RAPGEF2: variants seen among roughly 807,000 people sequenced by gnomAD.
RAPGEF2 encodes PDZ domain containing guanine nucleotide exchange factor (GEF) 1.
A neutral mutation model predicts 186.7 loss-of-function variants in RAPGEF2; 54 were observed. The observed-to-expected ratio is 0.29, with a 90% confidence interval of 0.23 to 0.36. The LOEUF (loss-of-function observed/expected upper bound fraction) is 0.36. Among genes scored for constraint, RAPGEF2 ranks in the 10% least tolerant of loss-of-function variants. The pLI is 1.00. For synonymous variants in RAPGEF2, 712 were observed against 705.9 expected, an observed-to-expected ratio of 1.01 and a Z score of -0.14; for missense variants, 1,532 against 2,045.0, an observed-to-expected ratio of 0.75 and a Z score of 4.84.
chr4:159,145,360 G>A (rs1742835900), intron 1 of RAPGEF2, among the ~76,000 whole-genome samples: 2 of 152,108 alleles, frequency 1.3e-5, no homozygotes, highest in Non-Finnish European at 2.9e-5. Context: ...AAGGTAAAAT[G>A]AAATGGATAA....
chr4:159,275,848 C>G lies in RAPGEF2; in HGVS notation c.544-28494C>G, dbSNP rs980111578. Among the ~76,000 whole-genome samples, 4 of 151,992 alleles carry G rather than the reference C, an allele frequency of 2.6e-5. No individual in the cohort carries two copies. The South Asian group carries it at 6.2e-4, about 24-fold the overall frequency. Reference sequence around the variant, plus strand: ...GAGTTGTAATTTTTTCATTCCCTCTCTTTTCTTAGGGAAAAAAAAACGGGT... The same window carrying G: ...GAGTTGTAATTTTTTCATTCCCTCTGTTTTCTTAGGGAAAAAAAAACGGGT... On this transcript the variant is annotated intron_variant, in intron 7 of 29. Transcript: ENST00000691494.
intron 7 of RAPGEF2, among the ~76,000 whole-genome samples, chr4:159,272,766 C>G (rs1283266282): frequency 6.6e-6 from 1 of 152,138 alleles, no homozygotes; most frequent in African/African-American, 2.4e-5. Flanking sequence ...GAAATCATCA[C>G]TGTTAGAGTA....
chr4:159,339,691 C>T (rs1012701670), intron 19 of RAPGEF2, among the ~76,000 whole-genome samples: 4 of 152,120 alleles, frequency 2.6e-5, no homozygotes, highest in Non-Finnish European at 4.4e-5. Flanking sequence ...TGTAAAGTCA[C>T]GGGGTTAAAC....
intron 1 of RAPGEF2, among the ~76,000 whole-genome samples, chr4:159,121,770 C>T (rs1739709513): frequency 6.6e-6 from 1 of 151,748 alleles, no homozygotes; most frequent in African/African-American, 2.4e-5. Context: ...GTGGCTCATG[C>T]CTGTAATCGC....
At chr4:159,116,662 A>G (rs1739087008) in intron 1 of RAPGEF2, among the ~76,000 whole-genome samples, 1 of 152,262 alleles carries the variant, frequency 6.6e-6, no homozygotes, top group African/African-American at 2.4e-5. Context: ...ATCAATCCAA[A>G]TGTCAATCGC....
chr4:159,271,628 T>G (rs1758146537), intron 7 of RAPGEF2, among the ~76,000 whole-genome samples: 1 of 152,184 alleles, frequency 6.6e-6, no homozygotes, highest in Admixed American at 6.5e-5. Context: ...TTTATAGCCA[T>G]TGCCTTAACC....
At chr4:159,150,877 C>G (rs1244580411) in intron 1 of RAPGEF2, among the ~76,000 whole-genome samples, 1 of 152,138 alleles carries the variant, frequency 6.6e-6, no homozygotes, top group African/African-American at 2.4e-5. Flanking sequence ...CTCGTGTTCC[C>G]CTGACTGCCC....
rs1561074126 is a variant in RAPGEF2, at chr4:159,198,243, T to TTC, written c.197+4987_197+4988insTC. On this transcript the variant is annotated intron_variant, in intron 3 of 29. Coordinates refer to ENST00000691494, the MANE Select transcript of RAPGEF2 (RefSeq NM_001394067.2). ...TTTCTTTTATTTTCTTTTCTTTCTT[T>TTC]CTTCCTTTCTTTCTTTCTCTTTCTT... 1.4e-3 allele frequency among the ~76,000 whole-genome samples: 175 copies of TTC among 128,978 alleles called. 4 individuals carry two copies. The highest frequency in any genetic ancestry group is 3.7e-3 in the Middle Eastern group (1 of 272). The allele number at this position is 128,978 out of a possible 152,430, so 84.6% of individuals were successfully genotyped here.
Position 159,128,556 on chromosome 4 carries a change from TC to T in RAPGEF2, c.69+24326del, listed in dbSNP as rs545292769. On this transcript the variant is annotated intron_variant, in intron 1 of 29. Transcript: ENST00000691494. ...TCTTAACATTTGGCTAGTAGTTTATTCACCCCTCTTTTTGGTGAATACAAAG... is the reference window on the plus strand; with the variant it reads ...TCTTAACATTTGGCTAGTAGTTTATTACCCCTCTTTTTGGTGAATACAAAG... Among the ~76,000 whole-genome samples the T allele has an allele frequency of 8.5e-3, 1,287 of 152,126 alleles. 21 individuals carry two copies. Among genetic ancestry groups the T allele is most frequent in the African/African-American group, 0.029 (1,223 of 41,536 alleles).
At chr4:159,242,696 G>A (rs766714459) in intron 6 of RAPGEF2, among the ~76,000 whole-genome samples, 3 of 136,924 alleles carry the variant, frequency 2.2e-5, no homozygotes, top group Non-Finnish European at 4.7e-5. Context: ...ACCATGAAAG[G>A]TTTTTTTGTT....
chr4:159,172,623 T>C (rs923913908), intron 1 of RAPGEF2, among the ~76,000 whole-genome samples: 1 of 152,278 alleles, frequency 6.6e-6, no homozygotes, highest in Admixed American at 6.5e-5. Flanking sequence ...AATGTACACA[T>C]GTACAATTTT....
intron 7 of RAPGEF2, among the ~76,000 whole-genome samples, chr4:159,283,292 A>T (rs1561207582): frequency 6.6e-6 from 1 of 152,162 alleles, no homozygotes; most frequent in East Asian, 1.9e-4. Flanking sequence ...AAAGATTTTT[A>T]AAAAATAATT....
chr4:159,323,584 A>G lies in RAPGEF2; in HGVS notation c.1116A>G (p.Lys372=), dbSNP rs773315668. 5 of 1,608,140 alleles carry G rather than the reference A, an allele frequency of 3.1e-6. No homozygotes were observed. In the African/African-American group the frequency reaches 6.7e-5, roughly 22 times the overall value. The stretch of plus-strand genomic sequence containing the variant: ...CTACCATGGACAAAGAATACATGAA[A>G]GGAGTGATGAGAACAAAGGTGGATG... ...VSPTMDKEYM[K]GVMRTKVDDC... The change falls in exon 11 of 30, where the codon AAA becomes AAG. Residue 372 remains lysine, a synonymous_variant. Transcript: ENST00000691494.
At chr4:159,152,648 C>T (rs550669591) in intron 1 of RAPGEF2, among the ~76,000 whole-genome samples, 1 of 152,028 alleles carries the variant, frequency 6.6e-6, no homozygotes, top group Non-Finnish European at 1.5e-5. Context: ...GATGGAATCT[C>T]GCTCTGTCAC....
At chr4:159,186,505 T>G (rs1747571406) in intron 1 of RAPGEF2, 137 bp from the exon 2 acceptor site, 6 of 444,554 alleles carry the variant, frequency 1.3e-5, no homozygotes, top group African/African-American at 2.0e-5. Context: ...TAATGTTTAT[T>G]TTTACTGTCT....
chr4:159,163,524 C>T (rs150051449), intron 1 of RAPGEF2, among the ~76,000 whole-genome samples: 2,444 of 152,236 alleles, frequency 0.016, 21 homozygotes, highest in Middle Eastern at 0.024. Flanking sequence ...TTTCTCGTAT[C>T]ATGTGTTGTA....
intron 7 of RAPGEF2, chr4:159,267,873 A>C: frequency 1.8e-6 from 2 of 1,105,010 alleles, no homozygotes; most frequent in Non-Finnish European, 2.2e-6. Flanking sequence ...TGGAAGACTG[A>C]GAGCTGTGTG....
Position 159,289,180 on chromosome 4 carries a change from C to G in RAPGEF2, c.544-15162C>G, listed in dbSNP as rs1760880569. ...GCTAATCCTAGTCATTGCCATATCA[C>G]TAGTTCCTATAACAGTGACCGGCTT... On this transcript the variant is annotated intron_variant, in intron 7 of 29. Transcript: ENST00000691494. Among the ~76,000 whole-genome samples, 3 of 152,150 alleles carry G rather than the reference C, an allele frequency of 2.0e-5. No homozygotes were observed. The South Asian group carries it at 6.2e-4, about 32-fold the overall frequency.
chr4:159,190,036 A>G (rs774446222), intron 2 of RAPGEF2, among the ~76,000 whole-genome samples: 9 of 152,142 alleles, frequency 5.9e-5, no homozygotes, highest in Non-Finnish European at 1.0e-4. Context: ...TTTGGAGTCA[A>G]AAGGAGGGGT....
Sources: gnomAD v4.1 joint callset for allele counts (sites outside exome capture counted in the v4.1 genomes callset) on GRCh38, gnomAD v4.1.1 for gene constraint, MANE v1.5 for transcripts, NCBI Gene and HGNC (gene_info 2026-07-23, HGNC 2026-07-21) for gene names.